Variants in KIF27 observed in about 807,000 individuals in gnomAD.
KIF27 encodes kinesin-like protein KIF27.
In KIF27, 84 loss-of-function variants were observed where a neutral mutation model predicts 141.8. The ratio of observed to expected loss-of-function variants is 0.59; its 90% CI spans 0.50 to 0.71. KIF27 has a LOEUF of 0.71. Ranked by LOEUF, KIF27 falls within the 30% of genes least tolerant of loss-of-function variation. KIF27 has a pLI of 0.00. For synonymous variants in KIF27, 471 were observed against 569.5 expected, an observed-to-expected ratio of 0.83 and a Z score of 2.46; for missense variants, 1,306 against 1,628.4, an observed-to-expected ratio of 0.80 and a Z score of 3.41.
chr9:83,846,260 A>T (rs1398725976), intron 16 of KIF27, among the ~76,000 whole-genome samples: 1 of 152,238 alleles, frequency 6.6e-6, no homozygotes, highest in Non-Finnish European at 1.5e-5. Flanking sequence ...TCCTCACTGG[A>T]ATAGACACTT....
intron 1 of KIF27, among the ~76,000 whole-genome samples, chr9:83,920,173 G>A (rs1286601020): frequency 6.6e-6 from 1 of 152,170 alleles, no homozygotes; most frequent in East Asian, 1.9e-4. Flanking sequence ...TGAGGCTGCA[G>A]TGTGCCACTG....
chr9:83,869,326 G>A (rs1950590862), intron 12 of KIF27, among the ~76,000 whole-genome samples: 1 of 151,958 alleles, frequency 6.6e-6, no homozygotes, highest in Admixed American at 6.6e-5. Context: ...TTCAAAATTA[G>A]TTTGTGGATT....
intron 17 of KIF27, 74 bp from the exon 18 acceptor site, chr9:83,837,559 A>G (rs1287512654): frequency 1.4e-6 from 2 of 1,410,416 alleles, no homozygotes; most frequent in Non-Finnish European, 1.9e-6. Context: ...AAACATCTTA[A>G]CATAAATACA....
chr9:83,873,622 G>C (rs528094832), intron 11 of KIF27, among the ~76,000 whole-genome samples: 76 of 152,262 alleles, frequency 5.0e-4, no homozygotes, highest in South Asian at 1.0e-3. Flanking sequence ...CATAGTTCTT[G>C]ATGCTTCCCT....
chr9:83,848,387 CAT>C (rs1013392580), intron 16 of KIF27, among the ~76,000 whole-genome samples: 3 of 131,818 alleles, frequency 2.3e-5, no homozygotes, highest in East Asian at 2.1e-4. Flanking sequence ...ATCTATATAT[CAT>C]ATATGCTATA....
At chr9:83,859,791 C>A (rs1274921008) in intron 13 of KIF27, 2 of 161,050 alleles carry the variant, frequency 1.2e-5, no homozygotes, top group African/African-American at 2.4e-5. Flanking sequence ...CCTCAGCCCC[C>A]CAAAGTTCTG....
At chr9:83,897,444 A>G (rs984132183) in intron 5 of KIF27, among the ~76,000 whole-genome samples, 1 of 152,172 alleles carries the variant, frequency 6.6e-6, no homozygotes, top group African/African-American at 2.4e-5. Context: ...TCTTTACTTT[A>G]CTCCATACAC....
chr9:83,858,200 T>C (rs919850650), intron 14 of KIF27: 6 of 152,170 alleles, frequency 3.9e-5, no homozygotes, highest in Non-Finnish European at 1.5e-5. Context: ...ATAATGTTCC[T>C]TTCAACTGCC....
intron 1 of KIF27, among the ~76,000 whole-genome samples, chr9:83,916,026 A>G (rs1265960635): frequency 6.6e-6 from 1 of 152,134 alleles, no homozygotes; most frequent in African/African-American, 2.4e-5. Context: ...AGGCAAGGAG[A>G]TAAGTAAGGA....
rs1198185761 is a variant in KIF27, at chr9:83,903,823, G to C, written c.695C>G (p.Ser232Cys). 2 of 1,614,114 alleles carry C rather than the reference G, an allele frequency of 1.2e-6. No homozygotes were observed. The highest frequency in any genetic ancestry group is 1.7e-5 in the Admixed American group (1 of 60,000). Reference sequence around the variant, plus strand: ...GAACTTTGAGACAATATGCCGAGGGGAATACCATGATCCATCTTCAGCTGC... The same window carrying C: ...GAACTTTGAGACAATATGCCGAGGGCAATACCATGATCCATCTTCAGCTGC... ...MEAAEDGSWY[S>C]PRHIVSKFHF... is the part of the protein sequence containing the mutation. Residue 232 changes from serine to cysteine, a missense_variant, in exon 4 of 18, where the codon TCC (serine) becomes TGC (cysteine). This residue lies in a region of KIF27 where 533 missense variants were observed against 565.6 expected (regional missense o/e 0.94). Transcript: ENST00000297814.
chr9:83,871,511 A>T (rs1950790848), intron 11 of KIF27, among the ~76,000 whole-genome samples: 1 of 152,104 alleles, frequency 6.6e-6, no homozygotes, highest in African/African-American at 2.4e-5. Flanking sequence ...TTTCATAGTT[A>T]CTCCACCCAA....
intron 1 of KIF27, among the ~76,000 whole-genome samples, chr9:83,920,811 C>G (rs1248877263): frequency 6.6e-6 from 1 of 151,996 alleles, no homozygotes; most frequent in African/African-American, 2.4e-5. Flanking sequence ...TTGAATGTGC[C>G]CAAGGTTCAA....
intron 1 of KIF27, among the ~76,000 whole-genome samples, 194 bp downstream of exon 1, chr9:83,921,177 G>A (rs1469322554): frequency 1.3e-5 from 2 of 151,670 alleles, no homozygotes; most frequent in African/African-American, 2.4e-5. Context: ...CGCCCCCATA[G>A]GCCTAGCTGG....
At chr9:83,872,098 C>G (rs1950843420) in intron 11 of KIF27, among the ~76,000 whole-genome samples, 1 of 151,166 alleles carries the variant, frequency 6.6e-6, no homozygotes, top group Non-Finnish European at 1.5e-5. Flanking sequence ...CTGAGGCAGG[C>G]TGATCACCTG....
chr9:83,863,168 T>C (rs1177216704), intron 13 of KIF27, among the ~76,000 whole-genome samples: 1 of 152,138 alleles, frequency 6.6e-6, no homozygotes, highest in African/African-American at 2.4e-5. Context: ...ACCCTTTATT[T>C]CTTTCTCCTG....
Position 83,836,820 on chromosome 9 carries a change from A to G in KIF27, c.*181T>C. 3.2e-6 allele frequency: 3 copies of G among 941,328 alleles called. No individual in the cohort carries two copies. Among genetic ancestry groups the G allele is most frequent in the Non-Finnish European group, 4.5e-6 (3 of 666,300 alleles). 58.3% of individuals were successfully genotyped at this position (941,328 alleles called of 1,614,324 possible). A position where few individuals can be genotyped will look rare whatever the true frequency, so the allele number is the denominator to read the frequency against. ...TTTGATTACTATGGGAATATAAACT[A>G]AAACTCCCCAAATATATATAGAAGA... On this transcript the variant is annotated 3_prime_UTR_variant, in exon 18 of 18. Coordinates refer to ENST00000297814, the MANE Select transcript of KIF27 (RefSeq NM_017576.4).
intron 2 of KIF27, among the ~76,000 whole-genome samples, chr9:83,911,822 C>T (rs1238797747): frequency 3.9e-5 from 6 of 152,144 alleles, no homozygotes; most frequent in Non-Finnish European, 7.3e-5. Context: ...TGAGCCACCA[C>T]GCCTGGCCTC....
intron 13 of KIF27, among the ~76,000 whole-genome samples, chr9:83,865,992 G>C (rs1397527342): frequency 1.3e-5 from 2 of 151,854 alleles, no homozygotes; most frequent in African/African-American, 2.4e-5. Flanking sequence ...GATCCAAGTA[G>C]AGATTAGGAA....
chr9:83,914,700 T>TTG (rs770807510), intron 2 of KIF27, among the ~76,000 whole-genome samples: 1 of 152,176 alleles, frequency 6.6e-6, no homozygotes, highest in Non-Finnish European at 1.5e-5. Flanking sequence ...TAAACAATCT[T>TTG]AACAGAGGAC....
Sources: gnomAD v4.1 joint callset for allele counts (sites outside exome capture counted in the v4.1 genomes callset) on GRCh38, gnomAD v4.1.1 for gene constraint, gnomAD v4.1.1 regional missense constraint, MANE v1.5 for transcripts, NCBI Gene and HGNC (gene_info 2026-07-23, HGNC 2026-07-21) for gene names.